Variants in PARP8 observed in about 807,000 individuals in gnomAD.
PARP8 encodes the protein poly(ADP-ribose) polymerase family member 8.
PARP8 carries 51 observed loss-of-function variants against 124.1 expected under a neutral mutation model. That is an observed-to-expected ratio of 0.41 (90% confidence interval 0.33 to 0.52). PARP8 has a LOEUF of 0.52. Ranked by LOEUF, PARP8 falls within the 20% of genes least tolerant of loss-of-function variation. PARP8 has a pLI of 0.21. For synonymous variants in PARP8, 391 were observed against 361.5 expected (o/e 1.08, Z -0.93); for missense variants, 860 against 1,018.9 (o/e 0.84, Z 2.12).
At chr5:50,797,324 T>C (rs768196950) in intron 14 of PARP8, 91 bp downstream of exon 14, 7 of 949,896 alleles carry the variant, frequency 7.4e-6, no homozygotes, top group Non-Finnish European at 9.2e-6. Flanking sequence ...ATAAATGCAG[T>C]TGAAAGCAAA....
chr5:50,778,447 G>C (rs1283534698), intron 8 of PARP8, 113 bp from the exon 9 acceptor site: 1 of 807,488 alleles, frequency 1.2e-6, no homozygotes. Flanking sequence ...ATAACTTATA[G>C]GCCTTCATGT....
At chr5:50,698,578 AT>A (rs930872053) in intron 2 of PARP8, among the ~76,000 whole-genome samples, 9 of 152,192 alleles carry the variant, frequency 5.9e-5, no homozygotes, top group South Asian at 2.1e-4. Context: ...GGATGATACA[AT>A]TTTTTCCCCC....
chr5:50,740,152 C>A (rs1421125303), intron 2 of PARP8, among the ~76,000 whole-genome samples: 3 of 152,130 alleles, frequency 2.0e-5, no homozygotes, highest in Non-Finnish European at 4.4e-5. Context: ...GGGAAGAAAA[C>A]AGGTGCCTTC....
intron 2 of PARP8, among the ~76,000 whole-genome samples, chr5:50,684,563 G>A (rs1157341653): frequency 6.6e-6 from 1 of 151,848 alleles, no homozygotes; most frequent in African/African-American, 2.4e-5. Context: ...GTCATAAAAA[G>A]GATAAAATGC....
Position 50,705,781 on chromosome 5 carries a change from C to CA in PARP8, c.146+37666dup, listed in dbSNP as rs575700156. Among the ~76,000 whole-genome samples the CA allele has an allele frequency of 5.6e-3, 815 of 145,766 alleles. 3 individuals are homozygous for CA. The highest frequency in any genetic ancestry group is 0.016 in the African/African-American group (628 of 39,902). On this transcript the variant is annotated intron_variant, in intron 2 of 25. Transcript: ENST00000281631. ...CTAGGTGACACAAGACTCTGTTTCC[C>CA]AAAAAAAAAAGGGGGGTTGATGGGT...
intron 10 of PARP8, among the ~76,000 whole-genome samples, chr5:50,792,096 C>T (rs1464242370): frequency 6.6e-6 from 1 of 152,158 alleles, no homozygotes; most frequent in Non-Finnish European, 1.5e-5. Flanking sequence ...ATCATCTGCT[C>T]TTGACGCGAT....
chr5:50,770,225 A>G lies in PARP8; in HGVS notation c.518+6983A>G, dbSNP rs1266271886. ...ATTTTCTCAATTTCTGTTCTTACCC[A>G]CATGGCTGTAGATAAGACTTTGAAT... On this transcript the variant is annotated intron_variant, in intron 7 of 25. Coordinates refer to ENST00000281631, the MANE Select transcript of PARP8 (RefSeq NM_024615.4). 2.6e-5 allele frequency among the ~76,000 whole-genome samples: 4 copies of G among 152,158 alleles called. 1 individual carries two copies. Among genetic ancestry groups the G allele is most frequent in the African/African-American group, 7.2e-5 (3 of 41,434 alleles).
At chr5:50,700,150 T>G (rs1047733790) in intron 2 of PARP8, among the ~76,000 whole-genome samples, 6 of 152,180 alleles carry the variant, frequency 3.9e-5, no homozygotes, top group African/African-American at 1.4e-4. Flanking sequence ...TCCTCTTTCC[T>G]TTATACCAAG....
At position 50,795,088 on chromosome 5, in the gene PARP8, T is replaced by G; in HGVS notation, c.1099T>G (p.Cys367Gly). ...IKSHKLLNRP[C>G]PAAVKSEECL... ...ATCGCACAAACTTTTGAACCGTCCTTGCCCTGCAGCTGTTAAGTCAGAGGA... is the reference window on the plus strand; with the variant it reads ...ATCGCACAAACTTTTGAACCGTCCTGGCCCTGCAGCTGTTAAGTCAGAGGA... Residue 367 changes from cysteine (C) to glycine (G), a missense_variant, in exon 12 of 26, where the codon TGC (cysteine) becomes GGC (glycine). Coordinates refer to ENST00000281631, the MANE Select transcript of PARP8 (RefSeq NM_024615.4). The G allele has an allele frequency of 6.2e-7, 1 of 1,614,224 alleles. No homozygotes were observed. The highest frequency in any genetic ancestry group is 8.5e-7 in the Non-Finnish European group (1 of 1,180,042).
At chr5:50,824,684 T>G (rs537436950) in intron 17 of PARP8, among the ~76,000 whole-genome samples, 1 of 152,150 alleles carries the variant, frequency 6.6e-6, no homozygotes, top group South Asian at 2.1e-4. Context: ...TCGGGACAAG[T>G]CTTTTAACAC....
At position 50,831,890 on chromosome 5, in the gene PARP8, A is replaced by G. The variant is rs140596599; in HGVS notation, c.2234-891A>G. Among the ~76,000 whole-genome samples the G allele has an allele frequency of 3.9e-5, 6 of 152,264 alleles. No homozygotes were observed. The East Asian group carries it at 1.2e-3, about 29-fold the overall frequency. On this transcript the variant is annotated intron_variant, in intron 22 of 25. Coordinates refer to ENST00000281631, the MANE Select transcript of PARP8 (RefSeq NM_024615.4). ...ATGTAAGAATCACTACAGTAAGATGACGTAGCATCTGTCGTTGATTTTGAG... is the reference window on the plus strand; with the variant it reads ...ATGTAAGAATCACTACAGTAAGATGGCGTAGCATCTGTCGTTGATTTTGAG...
At chr5:50,785,800 A>G (rs1407450656) in intron 9 of PARP8, among the ~76,000 whole-genome samples, 1 of 152,166 alleles carries the variant, frequency 6.6e-6, no homozygotes, top group African/African-American at 2.4e-5. Context: ...CTTACAATAT[A>G]GAGCATGTGT....
At chr5:50,727,533 T>A (rs796566743) in intron 2 of PARP8, among the ~76,000 whole-genome samples, 2 of 152,328 alleles carry the variant, frequency 1.3e-5, no homozygotes, top group African/African-American at 4.8e-5. Context: ...TGTACATGGC[T>A]TGTAGGCTTG....
intron 2 of PARP8, among the ~76,000 whole-genome samples, chr5:50,711,486 C>T (rs1754762513): frequency 6.6e-6 from 1 of 152,068 alleles, no homozygotes; most frequent in South Asian, 2.1e-4. Context: ...CTGGGGCTGA[C>T]TTTCATTTTC....
At chr5:50,778,160 T>C in intron 8 of PARP8, 31 bp downstream of exon 8, 1 of 1,432,900 alleles carries the variant, frequency 7.0e-7, no homozygotes, top group Non-Finnish European at 9.7e-7. Context: ...ATATGAATGG[T>C]GCATTTAAAA....
Position 50,826,818 on chromosome 5 carries a change from T to C in PARP8, c.1977+15T>C, listed in dbSNP as rs1746405085. On this transcript the variant is annotated intron_variant, in intron 19 of 25. Coordinates refer to ENST00000281631, the MANE Select transcript of PARP8 (RefSeq NM_024615.4). ...CAGTTAACAGGGTAAGTTGTTTTTTTTTTTTTTACATATGCATACAGAAAT... is the reference window on the plus strand; with the variant it reads ...CAGTTAACAGGGTAAGTTGTTTTTTCTTTTTTTACATATGCATACAGAAAT... 6 of 1,592,246 alleles carry C rather than the reference T, an allele frequency of 3.8e-6. No individual in the cohort carries two copies. The highest frequency in any genetic ancestry group is 2.3e-5 in the East Asian group (1 of 44,074).
chr5:50,761,948 A>C, intron 6 of PARP8, 50 bp downstream of exon 6: 1 of 1,220,338 alleles, frequency 8.2e-7, no homozygotes, highest in Non-Finnish European at 1.2e-6. Flanking sequence ...TCTAATAGCC[A>C]TGTTGTCCTA....
At position 50,809,063 on chromosome 5, in the gene PARP8, C is replaced by T. The variant is rs563460894; in HGVS notation, c.1576-6369C>T. On this transcript the variant is annotated intron_variant, in intron 14 of 25. Coordinates refer to ENST00000281631, the MANE Select transcript of PARP8 (RefSeq NM_024615.4). ...AACTGAATAGAAATTAGTTTTAATACTCAAATAACATCTTTAGTTTTATGA... is the reference window on the plus strand; with the variant it reads ...AACTGAATAGAAATTAGTTTTAATATTCAAATAACATCTTTAGTTTTATGA... Among the ~76,000 whole-genome samples, 7 of 152,100 alleles carry T rather than the reference C, an allele frequency of 4.6e-5. No individual in the cohort carries two copies. In the East Asian group the frequency reaches 1.4e-3, roughly 29 times the overall value.
intron 25 of PARP8, among the ~76,000 whole-genome samples, chr5:50,840,666 TGA>T (rs952830728): frequency 1.3e-5 from 2 of 151,720 alleles, no homozygotes; most frequent in African/African-American, 4.8e-5. Flanking sequence ...TTGCATATCA[TGA>T]GAGAGAGAAA....
Sources: gnomAD v4.1 joint callset for allele counts (sites outside exome capture counted in the v4.1 genomes callset) on GRCh38, gnomAD v4.1.1 for gene constraint, MANE v1.5 for transcripts, NCBI Gene and HGNC (gene_info 2026-07-23, HGNC 2026-07-21) for gene names.